The following LRCH1 variants were observed in gnomAD, a reference collection of about 807,000 sequenced individuals.
The protein encoded by LRCH1 is leucine rich repeats and calponin homology domain containing 1.
A neutral mutation model predicts 94.9 loss-of-function variants in LRCH1; 23 were observed. The ratio of observed to expected loss-of-function variants is 0.24; its 90% CI spans 0.17 to 0.34. LRCH1 has a LOEUF of 0.34. Ranked by LOEUF, LRCH1 falls within the 10% of genes least tolerant of loss-of-function variation. LRCH1 has a pLI of 1.00. For missense variants in LRCH1, 790 were observed against 945.9 expected, an observed-to-expected ratio of 0.84 and a Z score of 2.16; for synonymous variants, 364 against 354.9, an observed-to-expected ratio of 1.03 and a Z score of -0.29.
intron 1 of LRCH1, among the ~76,000 whole-genome samples, chr13:46,607,914 T>G (rs1296852573): frequency 1.3e-5 from 2 of 152,178 alleles, no homozygotes; most frequent in Non-Finnish European, 2.9e-5. Flanking sequence ...TCATCTCTAA[T>G]ATAGTTAATA....
intron 1 of LRCH1, among the ~76,000 whole-genome samples, chr13:46,586,507 C>T (rs2050436900): frequency 6.6e-6 from 1 of 152,186 alleles, no homozygotes; most frequent in South Asian, 2.1e-4. Context: ...CTTCCACTTC[C>T]CCAGGCTCAA....
At chr13:46,591,870 A>G (rs1181102638) in intron 1 of LRCH1, among the ~76,000 whole-genome samples, 1 of 152,228 alleles carries the variant, frequency 6.6e-6, no homozygotes, top group Non-Finnish European at 1.5e-5. Context: ...TGGATCCGAG[A>G]GGAGCTCATT....
chr13:46,673,088 T>C (rs929648017), intron 3 of LRCH1, among the ~76,000 whole-genome samples: 1 of 152,248 alleles, frequency 6.6e-6, no homozygotes, highest in African/African-American at 2.4e-5. Context: ...TATTACTTCG[T>C]CACCTGTATA....
In LRCH1 at chr13:46,559,136, C is replaced by A. The variant is rs554487246; in HGVS notation, c.307+5433C>A. 5.9e-5 allele frequency among the ~76,000 whole-genome samples: 9 copies of A among 152,342 alleles called. No homozygotes were observed. In the South Asian group the frequency reaches 1.7e-3, roughly 28 times the overall value. On this transcript the variant is annotated intron_variant, in intron 1 of 19. Transcript: ENST00000389797. Reference sequence around the variant, plus strand: ...AGAAGACTTGATAACAAAATCTAGTCATTTTCAACAACTTAACTTTATTTC... The same window carrying A: ...AGAAGACTTGATAACAAAATCTAGTAATTTTCAACAACTTAACTTTATTTC...
intron 2 of LRCH1, among the ~76,000 whole-genome samples, chr13:46,651,856 A>G (rs1461229310): frequency 6.8e-6 from 1 of 146,784 alleles, no homozygotes; most frequent in African/African-American, 2.5e-5. Context: ...GCCGGCCACC[A>G]GGCCTGCTGA....
In LRCH1 at chr13:46,699,319, G is replaced by A. The variant is rs745544255; in HGVS notation, c.1246-17G>A. 25 of 1,609,698 alleles carry A rather than the reference G, an allele frequency of 1.6e-5. No individual in the cohort carries two copies. In the African/African-American group the frequency reaches 3.2e-4, roughly 21 times the overall value. On this transcript the variant is annotated splice_polypyrimidine_tract_variant and intron_variant, in intron 9 of 19. Transcript: ENST00000389797. ...GTAGCCAATGGTTTTCAGGAACCCT[G>A]TGTGTTTTGTCCACAGGCAAGGGCA...
chr13:46,691,074 C>T (rs1870870161), intron 7 of LRCH1, among the ~76,000 whole-genome samples: 1 of 152,198 alleles, frequency 6.6e-6, no homozygotes, highest in South Asian at 2.1e-4. Flanking sequence ...ACAATCTGTG[C>T]ATATGTCCAA....
rs571615988 is a variant in LRCH1, at chr13:46,597,518, G to A, written c.307+43815G>A. On this transcript the variant is annotated intron_variant, in intron 1 of 19. Transcript: ENST00000389797. ...GTTACAGGCATCAGCCACCACGCCCGGCTAATTTTTATATTTTTAGTAGAG... is the reference window on the plus strand; with the variant it reads ...GTTACAGGCATCAGCCACCACGCCCAGCTAATTTTTATATTTTTAGTAGAG... Among the ~76,000 whole-genome samples the A allele has an allele frequency of 7.2e-5, 11 of 152,104 alleles. No homozygotes were observed. In the East Asian group the frequency reaches 9.7e-4, roughly 13 times the overall value.
chr13:46,747,480 G>A (rs1873955250), downstream of LRCH1, among the ~76,000 whole-genome samples: 1 of 152,186 alleles, frequency 6.6e-6, no homozygotes, highest in Admixed American at 6.5e-5. Flanking sequence ...CAGGACACAG[G>A]ATAGGACACC....
chr13:46,720,143 T>G (rs1047110036), intron 16 of LRCH1, among the ~76,000 whole-genome samples: 1 of 152,118 alleles, frequency 6.6e-6, no homozygotes, highest in Non-Finnish European at 1.5e-5. Flanking sequence ...TCCCAGCACT[T>G]TGGGAGTCTG....
intron 1 of LRCH1, among the ~76,000 whole-genome samples, chr13:46,588,664 C>T (rs920591404): frequency 1.4e-5 from 2 of 146,990 alleles, no homozygotes; most frequent in African/African-American, 5.1e-5. Context: ...GCAGTGGCGC[C>T]ATCTCCGTTC....
At chr13:46,695,253 T>C (rs916382458) in intron 9 of LRCH1, among the ~76,000 whole-genome samples, 1 of 152,210 alleles carries the variant, frequency 6.6e-6, no homozygotes, top group African/African-American at 2.4e-5. Context: ...TTTCCGCTAC[T>C]CAGTGCATCG....
chr13:46,739,172 G>T (rs1262861350), intron 19 of LRCH1, among the ~76,000 whole-genome samples: 1 of 152,102 alleles, frequency 6.6e-6, no homozygotes, highest in African/African-American at 2.4e-5. Flanking sequence ...TGAACTGCTG[G>T]ATCTGTCTAC....
chr13:46,697,974 C>T (rs1203882354), intron 9 of LRCH1, among the ~76,000 whole-genome samples: 1 of 152,148 alleles, frequency 6.6e-6, no homozygotes, highest in Admixed American at 6.5e-5. Flanking sequence ...CCCAACAAAA[C>T]GAAGTAAGAA....
rs199584651 is a variant in LRCH1 at position 46,619,753 on chromosome 13, GGTT to G, written c.308-30438_308-30436del. On this transcript the variant is annotated intron_variant, in intron 1 of 19. Coordinates refer to ENST00000389797, the MANE Select transcript of LRCH1 (RefSeq NM_001164211.2). Reference sequence around the variant, plus strand: ...CTACTGTTGTTTTTGCTGTTGTGGTGGTTGTTGTTGTTTGGAAGATGGAGTAAA... The same window carrying G: ...CTACTGTTGTTTTTGCTGTTGTGGTGGTTGTTGTTTGGAAGATGGAGTAAA... Among the ~76,000 whole-genome samples, 711 of 152,288 alleles carry G rather than the reference GGTT, an allele frequency of 4.7e-3. 5 individuals are homozygous for G. Among genetic ancestry groups the G allele is most frequent in the African/African-American group, 0.014 (593 of 41,556 alleles).
downstream of LRCH1, among the ~76,000 whole-genome samples, chr13:46,746,845 G>A (rs140668409): frequency 6.6e-6 from 1 of 152,296 alleles, no homozygotes; most frequent in East Asian, 1.9e-4. Context: ...TGTCCTGACT[G>A]GTGTGATGGC....
In LRCH1 at chr13:46,590,727, T is replaced by C. The variant is rs149074202; in HGVS notation, c.307+37024T>C. 5.9e-5 allele frequency among the ~76,000 whole-genome samples: 9 copies of C among 152,212 alleles called. No individual in the cohort carries two copies. The East Asian group carries it at 1.7e-3, about 29-fold the overall frequency. On this transcript the variant is annotated intron_variant, in intron 1 of 19. Coordinates refer to ENST00000389797, the MANE Select transcript of LRCH1 (RefSeq NM_001164211.2). Reference sequence around the variant, plus strand: ...TCTTAAATTTGATGGGGAAAGGAATTTTCTGGATCCACAACTGAATTGTCT... The same window carrying C: ...TCTTAAATTTGATGGGGAAAGGAATCTTCTGGATCCACAACTGAATTGTCT...
intron 2 of LRCH1, 41 bp from the exon 3 acceptor site, chr13:46,668,989 C>G (rs1190907450): frequency 1.2e-6 from 2 of 1,610,270 alleles, no homozygotes; most frequent in East Asian, 2.2e-5. Context: ...TATGAAGTGG[C>G]CTTTCTGTTT....
At chr13:46,687,754 GA>G in intron 5 of LRCH1, 97 bp from the exon 6 acceptor site, 1 of 1,008,298 alleles carries the variant, frequency 9.9e-7, no homozygotes, top group Non-Finnish European at 1.4e-6. Context: ...TACTTAAAAT[GA>G]AACTGGGAAA....
Sources: gnomAD v4.1 joint callset for allele counts (sites outside exome capture counted in the v4.1 genomes callset) on GRCh38, gnomAD v4.1.1 for gene constraint, MANE v1.5 for transcripts, NCBI Gene and HGNC (gene_info 2026-07-23, HGNC 2026-07-21) for gene names.